Variants in NR3C2 observed in about 807,000 individuals in gnomAD.
NR3C2 encodes the protein mineralocorticoid receptor.
Under a neutral mutation model 86.4 loss-of-function variants are expected in NR3C2, and 15 were observed. The observed-to-expected ratio is 0.17, with a 90% confidence interval of 0.12 to 0.27. NR3C2 has a LOEUF of 0.27. Among genes scored for constraint, NR3C2 ranks in the 10% least tolerant of loss-of-function variants. The pLI is 1.00. For synonymous variants in NR3C2, 458 were observed against 450.5 expected (o/e 1.02, Z -0.21); for missense variants, 960 against 1,195.6 (o/e 0.80, Z 2.91).
intron 6 of NR3C2, among the ~76,000 whole-genome samples, chr4:148,143,947 CAA>C (rs67177081): frequency 0.03 from 1,924 of 64,298 alleles, 11 homozygotes; most frequent in Middle Eastern, 0.056. Flanking sequence ...AACTCTGTCT[CAA>C]AAAAAAAAAA....
At chr4:148,414,053 AAATGT>A (rs1748869345) in intron 2 of NR3C2, among the ~76,000 whole-genome samples, 1 of 152,182 alleles carries the variant, frequency 6.6e-6, no homozygotes, top group African/African-American at 2.4e-5. Context: ...GAAACAATCT[AAATGT>A]CCATTAATAG....
At chr4:148,193,354 A>G (rs2149801612) in intron 4 of NR3C2, among the ~76,000 whole-genome samples, 1 of 152,326 alleles carries the variant, frequency 6.6e-6, no homozygotes, top group East Asian at 1.9e-4. Flanking sequence ...CTCCGGGAGC[A>G]GTCCGCTTCC....
At chr4:148,148,086 A>C (rs1733951108) in intron 6 of NR3C2, among the ~76,000 whole-genome samples, 1 of 152,158 alleles carries the variant, frequency 6.6e-6, no homozygotes. Context: ...GTCTTCTTGG[A>C]TAATTCTTCA....
rs368509871 is a variant in NR3C2, at chr4:148,225,956, T to C, written c.1898-31094A>G. 5.9e-5 allele frequency among the ~76,000 whole-genome samples: 9 copies of C among 152,154 alleles called. No individual in the cohort carries two copies. In the East Asian group the frequency reaches 9.6e-4, roughly 16 times the overall value. Reference sequence around the variant, plus strand: ...AAGTTTACTTAACTAAGAGTAGACATTTTCAGATATCTGTAATGCATAATA... The same window carrying C: ...AAGTTTACTTAACTAAGAGTAGACACTTTCAGATATCTGTAATGCATAATA... On this transcript the variant is annotated intron_variant, in intron 3 of 8. Coordinates refer to ENST00000358102, the MANE Select transcript of NR3C2 (RefSeq NM_000901.5).
At chr4:148,444,687 G>A (rs1208458181), upstream of NR3C2, 1 of 985,554 alleles carries the variant, frequency 1.0e-6, no homozygotes. Flanking sequence ...TGCTGACGGT[G>A]GGTAGAGCAA....
At chr4:148,358,968 G>A (rs201393005) in intron 2 of NR3C2, among the ~76,000 whole-genome samples, 1 of 150,794 alleles carries the variant, frequency 6.6e-6, no homozygotes, top group Non-Finnish European at 1.5e-5. Context: ...TTACACACAC[G>A]CACACACACA....
At chr4:148,371,212 T>C (rs1244714018) in intron 2 of NR3C2, among the ~76,000 whole-genome samples, 1 of 152,202 alleles carries the variant, frequency 6.6e-6, no homozygotes, top group East Asian at 1.9e-4. Flanking sequence ...CTTTGAGTTA[T>C]TTTAATATGT....
At chr4:148,353,213 A>G (rs567979187) in intron 2 of NR3C2, among the ~76,000 whole-genome samples, 2 of 152,240 alleles carry the variant, frequency 1.3e-5, no homozygotes, top group East Asian at 3.9e-4. Context: ...TAAAAAATGT[A>G]AGAAGGCTTA....
At chr4:148,149,736 T>C (rs572924843) in intron 6 of NR3C2, among the ~76,000 whole-genome samples, 2 of 152,192 alleles carry the variant, frequency 1.3e-5, no homozygotes, top group South Asian at 4.1e-4. Flanking sequence ...AATTAAAAAA[T>C]GAGTAAAGAA....
chr4:148,208,129 A>C (rs763251852), intron 3 of NR3C2: 2 of 152,256 alleles, frequency 1.3e-5, no homozygotes, highest in Non-Finnish European at 2.9e-5. Flanking sequence ...CTCTTCCCCA[A>C]GGTCACAGCC....
chr4:148,090,728 A>G (rs1560915560), intron 8 of NR3C2, among the ~76,000 whole-genome samples: 1 of 152,090 alleles, frequency 6.6e-6, no homozygotes, highest in Non-Finnish European at 1.5e-5. Flanking sequence ...TTGGCTGGGG[A>G]CAGGTGTCCC....
chr4:148,353,449 A>G (rs2149995269), intron 2 of NR3C2, among the ~76,000 whole-genome samples: 1 of 152,254 alleles, frequency 6.6e-6, no homozygotes, highest in East Asian at 1.9e-4. Context: ...CATCTTCCAT[A>G]TATACACACA....
At chr4:148,292,160 C>CT (rs556923624) in intron 2 of NR3C2, among the ~76,000 whole-genome samples, 161 of 151,018 alleles carry the variant, frequency 1.1e-3, no homozygotes, top group African/African-American at 3.4e-3. Context: ...CCTATTATGT[C>CT]TTTTTTTTAT....
intron 2 of NR3C2, among the ~76,000 whole-genome samples, chr4:148,275,447 T>C (rs79687845): frequency 1.3e-5 from 2 of 152,020 alleles, no homozygotes; most frequent in African/African-American, 4.8e-5. Context: ...TTTTTTTTTT[T>C]GAGACAGAGT....
intron 2 of NR3C2, among the ~76,000 whole-genome samples, chr4:148,419,833 G>C (rs1488164374): frequency 6.6e-6 from 1 of 151,718 alleles, no homozygotes; most frequent in Non-Finnish European, 1.5e-5. Flanking sequence ...AATATTACCA[G>C]ACAGTTCATT....
chr4:148,432,574 T>C (rs1749843982), intron 2 of NR3C2, among the ~76,000 whole-genome samples: 1 of 152,164 alleles, frequency 6.6e-6, no homozygotes, highest in Non-Finnish European at 1.5e-5. Flanking sequence ...ATACTGCAGT[T>C]CAAGGTTCAA....
intron 2 of NR3C2, among the ~76,000 whole-genome samples, chr4:148,285,456 C>T (rs1364803641): frequency 1.3e-5 from 2 of 152,162 alleles, no homozygotes; most frequent in South Asian, 4.1e-4. Flanking sequence ...TGCCTGTAAT[C>T]CCAGCACTTT....
chr4:148,183,237 T>C (rs1023686741), intron 4 of NR3C2, among the ~76,000 whole-genome samples: 8 of 152,210 alleles, frequency 5.3e-5, no homozygotes, highest in African/African-American at 1.9e-4. Flanking sequence ...GACATTTGGG[T>C]TGGTTCCAAG....
chr4:148,415,408 C>T (rs1748943714), intron 2 of NR3C2, among the ~76,000 whole-genome samples: 1 of 152,180 alleles, frequency 6.6e-6, no homozygotes, highest in South Asian at 2.1e-4. Flanking sequence ...AGGAAATAAA[C>T]TATACTATGA....
Sources: allele counts gnomAD v4.1 joint callset (sites outside exome capture counted in the v4.1 genomes callset), GRCh38; gene constraint gnomAD v4.1.1; transcripts MANE v1.5; gene names NCBI Gene and HGNC (gene_info 2026-07-23, HGNC 2026-07-21).